The following ADAMTS17 variants were observed in gnomAD, a reference collection of about 807,000 sequenced individuals.
ADAMTS17 encodes the protein ADAM metallopeptidase with thrombospondin type 1 motif 17, also known as A disintegrin and metalloproteinase with thrombospondin motifs 17.
In ADAMTS17, 113 loss-of-function variants were observed where a neutral mutation model predicts 141.5. That is an observed-to-expected ratio of 0.80 (90% CI 0.69 to 0.93). The LOEUF (loss-of-function observed/expected upper bound fraction) is 0.93. Among genes scored for constraint, ADAMTS17 ranks in the 40% least tolerant of loss-of-function variants. ADAMTS17 has a pLI of 0.00. For synonymous variants in ADAMTS17, 768 were observed against 630.6 expected, an observed-to-expected ratio of 1.22 and a Z score of -3.27; for missense variants, 1,659 against 1,517.9, an observed-to-expected ratio of 1.09 and a Z score of -1.54.
intron 7 of ADAMTS17, among the ~76,000 whole-genome samples, chr15:100,252,382 A>G (rs190565461): frequency 6.6e-6 from 1 of 152,338 alleles, no homozygotes; most frequent in East Asian, 1.9e-4. Flanking sequence ...AAGGACACAC[A>G]GCCTGGAGGC....
At chr15:100,076,811 T>C (rs1445875782) in intron 15 of ADAMTS17, among the ~76,000 whole-genome samples, 2 of 152,256 alleles carry the variant, frequency 1.3e-5, no homozygotes, top group Non-Finnish European at 2.9e-5. Flanking sequence ...AGTATTTTCA[T>C]ATTTACATTT....
At chr15:100,154,568 C>A (rs1296273119) in intron 9 of ADAMTS17, among the ~76,000 whole-genome samples, 8 of 152,312 alleles carry the variant, frequency 5.3e-5, no homozygotes, top group Middle Eastern at 3.4e-3. Context: ...TCTGTAAACC[C>A]AACCCTGAGG....
intron 15 of ADAMTS17, among the ~76,000 whole-genome samples, chr15:100,095,879 G>A (rs1567164713): frequency 6.6e-6 from 1 of 152,246 alleles, no homozygotes; most frequent in Non-Finnish European, 1.5e-5. Context: ...GTACTCCGGA[G>A]TCACAGCTGG....
chr15:100,328,915 C>T (rs8024746), intron 3 of ADAMTS17, among the ~76,000 whole-genome samples: 2,082 of 152,164 alleles, frequency 0.014, 34 homozygotes, highest in Non-Finnish European at 0.018. Flanking sequence ...GTTGCATGGC[C>T]CTGCTTGAAG....
chr15:100,251,066 T>C (rs182606894), intron 7 of ADAMTS17, among the ~76,000 whole-genome samples: 24 of 152,072 alleles, frequency 1.6e-4, no homozygotes, highest in African/African-American at 5.5e-4. Context: ...TAAAACACCA[T>C]ATACGTTTAA....
intron 8 of ADAMTS17, among the ~76,000 whole-genome samples, chr15:100,180,181 T>C (rs1048045549): frequency 6.6e-6 from 1 of 152,210 alleles, no homozygotes; most frequent in Non-Finnish European, 1.5e-5. Flanking sequence ...TTTAATCTAT[T>C]TTGGTTTTTG....
chr15:100,161,752 G>A (rs1278124920), intron 8 of ADAMTS17, among the ~76,000 whole-genome samples: 1 of 152,176 alleles, frequency 6.6e-6, no homozygotes, highest in African/African-American at 2.4e-5. Flanking sequence ...AAGATTAAAT[G>A]CCACTAGGGG....
intron 3 of ADAMTS17, chr15:100,306,592 G>A (rs1204266600): frequency 2.2e-6 from 1 of 455,980 alleles, no homozygotes; most frequent in Admixed American, 2.4e-5. Flanking sequence ...GAAAAGCTAT[G>A]TCCACCGTGC....
chr15:100,214,040 T>A (rs1201372814), intron 7 of ADAMTS17, among the ~76,000 whole-genome samples: 1 of 151,500 alleles, frequency 6.6e-6, no homozygotes, highest in Non-Finnish European at 1.5e-5. Flanking sequence ...TTACGGAGAG[T>A]GAGGGTTGTT....
intron 10 of ADAMTS17, among the ~76,000 whole-genome samples, chr15:100,135,569 C>CA (rs1479184991): frequency 6.6e-6 from 1 of 152,164 alleles, no homozygotes; most frequent in Non-Finnish European, 1.5e-5. Context: ...AGGCATGAGC[C>CA]ACTGCGCCTG....
At position 100,137,539 on chromosome 15, in the gene ADAMTS17, C is replaced by A. The variant is rs369561572; in HGVS notation, c.1474-4224G>T. Among the ~76,000 whole-genome samples the A allele has an allele frequency of 1.2e-4, 18 of 152,270 alleles. No homozygotes were observed. In the East Asian group the frequency reaches 3.3e-3, roughly 28 times the overall value. ...CCAGGCACCCTAAAGAGAAGGGTGACTGATGGATGAACCTTCTGCTTTCAG... is the reference window on the plus strand; with the variant it reads ...CCAGGCACCCTAAAGAGAAGGGTGAATGATGGATGAACCTTCTGCTTTCAG... On this transcript the variant is annotated intron_variant, in intron 10 of 21. Transcript: ENST00000268070.
At chr15:100,102,908 C>T (rs2036205480) in intron 14 of ADAMTS17, among the ~76,000 whole-genome samples, 1 of 152,198 alleles carries the variant, frequency 6.6e-6, no homozygotes, top group African/African-American at 2.4e-5. Context: ...ACTTCCGACC[C>T]TCCATTCTCA....
intron 7 of ADAMTS17, among the ~76,000 whole-genome samples, chr15:100,212,922 T>A (rs936703563): frequency 6.6e-6 from 1 of 152,032 alleles, no homozygotes; most frequent in South Asian, 2.1e-4. Context: ...GTCAATCAGG[T>A]GCACGCATTT....
chr15:100,214,399 T>C (rs2041905939), intron 7 of ADAMTS17, among the ~76,000 whole-genome samples: 1 of 152,216 alleles, frequency 6.6e-6, no homozygotes, highest in Non-Finnish European at 1.5e-5. Context: ...ACATTAATAT[T>C]ATTGGGAGTA....
chr15:100,319,948 A>G (rs1455913358), intron 3 of ADAMTS17, among the ~76,000 whole-genome samples: 1 of 152,132 alleles, frequency 6.6e-6, no homozygotes, highest in Non-Finnish European at 1.5e-5. Context: ...TAAATACATA[A>G]AAGATCTAAA....
rs377535229 is a variant in ADAMTS17, at chr15:99,974,611, T to C, written c.3128-49A>G. ...CCCAGGGTCAGGGATGGCCTAGGCATGTCCTGATGCAGGCACAGGGAGGGC... is the reference window on the plus strand; with the variant it reads ...CCCAGGGTCAGGGATGGCCTAGGCACGTCCTGATGCAGGCACAGGGAGGGC... On this transcript the variant is annotated intron_variant, in intron 21 of 21. Transcript: ENST00000268070. The C allele has an allele frequency of 1.4e-4, 218 of 1,610,524 alleles. 1 individual carries two copies. The highest frequency in any genetic ancestry group is 1.7e-4 in the Non-Finnish European group (205 of 1,176,996).
At chr15:100,328,124 C>G (rs1596533669) in intron 3 of ADAMTS17, among the ~76,000 whole-genome samples, 1 of 152,316 alleles carries the variant, frequency 6.6e-6, no homozygotes, top group East Asian at 1.9e-4. Flanking sequence ...CTGCCATGTT[C>G]AGCCAGGAAG....
At chr15:100,292,383 C>T (rs2044669070) in intron 3 of ADAMTS17, among the ~76,000 whole-genome samples, 1 of 145,492 alleles carries the variant, frequency 6.9e-6, no homozygotes, top group Admixed American at 6.7e-5. Context: ...AGATGCTCAC[C>T]CCGTGTGAAA....
intron 3 of ADAMTS17, among the ~76,000 whole-genome samples, chr15:100,323,866 T>C (rs943090231): frequency 3.3e-5 from 5 of 152,100 alleles, no homozygotes; most frequent in Admixed American, 1.3e-4. Flanking sequence ...TTTATGACTA[T>C]ATATCATAAT....
Sources: allele counts gnomAD v4.1 joint callset (sites outside exome capture counted in the v4.1 genomes callset), GRCh38; gene constraint gnomAD v4.1.1; transcripts MANE v1.5; gene names NCBI Gene and HGNC (gene_info 2026-07-23, HGNC 2026-07-21).